The following DGKI variants were observed in gnomAD, a reference collection of about 807,000 sequenced individuals.
DGKI encodes the protein diacylglycerol kinase iota.
In DGKI, 55 loss-of-function variants were observed where a neutral mutation model predicts 147.5. The observed-to-expected ratio is 0.37, with a 90% CI of 0.30 to 0.47. The LOEUF is 0.47. Among genes scored for constraint, DGKI ranks in the 20% least tolerant of loss-of-function variants. DGKI has a pLI of 1.00. For synonymous variants in DGKI, 469 were observed against 477.1 expected, an observed-to-expected ratio of 0.98 and a Z score of 0.22; for missense variants, 1,007 against 1,323.8, an observed-to-expected ratio of 0.76 and a Z score of 3.71.
At chr7:137,414,408 C>T (rs1812282016) in intron 28 of DGKI, among the ~76,000 whole-genome samples, 1 of 151,968 alleles carries the variant, frequency 6.6e-6, no homozygotes. Context: ...CCCTGTGAAC[C>T]CTAGCATAAT....
In DGKI at chr7:137,477,912, T is replaced by C. The variant is rs1295315053; in HGVS notation, c.2373+7462A>G. Among the ~76,000 whole-genome samples the C allele has an allele frequency of 2.0e-5, 3 of 152,280 alleles. No individual in the cohort carries two copies. In the East Asian group the frequency reaches 5.8e-4, roughly 29 times the overall value. The stretch of plus-strand genomic sequence containing the variant: ...CTGGGCTCAAGCGATCTGCCCATGA[T>C]GGCCTCCCAAAGTGCTGAGATCACA... On this transcript the variant is annotated intron_variant, in intron 23 of 32. Coordinates refer to ENST00000614521, the MANE Select transcript of DGKI (RefSeq NM_001321708.2).
intron 1 of DGKI, among the ~76,000 whole-genome samples, chr7:137,751,418 T>C (rs1021089233): frequency 3.9e-5 from 6 of 152,224 alleles, no homozygotes; most frequent in African/African-American, 1.4e-4. Flanking sequence ...TCATAGCACC[T>C]GAAAAGCTAC....
intron 20 of DGKI, among the ~76,000 whole-genome samples, chr7:137,533,029 G>T (rs1013643685): frequency 5.9e-5 from 9 of 152,146 alleles, no homozygotes; most frequent in African/African-American, 2.2e-4. Context: ...TTGGGGCCAG[G>T]TGCAGTGGCA....
At chr7:137,617,789 G>C (rs1820584906) in intron 8 of DGKI, among the ~76,000 whole-genome samples, 1 of 151,884 alleles carries the variant, frequency 6.6e-6, no homozygotes, top group South Asian at 2.1e-4. Flanking sequence ...ATTTTGGAAG[G>C]GTGCAAGTGA....
intron 28 of DGKI, 53 bp from the exon 29 acceptor site, chr7:137,412,260 A>G: frequency 1.3e-6 from 2 of 1,526,254 alleles, no homozygotes; most frequent in Non-Finnish European, 1.8e-6. Context: ...TCTTATTAAA[A>G]TATTACACAA....
chr7:137,755,572 T>C (rs560989700), intron 1 of DGKI, among the ~76,000 whole-genome samples: 20 of 152,308 alleles, frequency 1.3e-4, no homozygotes, highest in Admixed American at 4.6e-4. Flanking sequence ...GGCATTGAAT[T>C]GCCAAATAAA....
chr7:137,567,277 A>G (rs73169840), intron 19 of DGKI, among the ~76,000 whole-genome samples: 58 of 152,046 alleles, frequency 3.8e-4, no homozygotes, highest in Non-Finnish European at 6.5e-4. Context: ...AAAAAAAAAA[A>G]AGAGAATTAG....
intron 1 of DGKI, among the ~76,000 whole-genome samples, chr7:137,804,382 A>C (rs542612542): frequency 6.6e-6 from 1 of 152,358 alleles, no homozygotes; most frequent in African/African-American, 2.4e-5. Context: ...TCTCTGCTTC[A>C]ATAAGATTTA....
chr7:137,722,154 G>A, intron 1 of DGKI: 13 of 1,599,674 alleles, frequency 8.1e-6, no homozygotes, highest in Non-Finnish European at 1.1e-5. Context: ...GAATTGGCAG[G>A]TATTCCCGAT....
intron 1 of DGKI, among the ~76,000 whole-genome samples, chr7:137,844,541 T>C (rs185756506): frequency 2.6e-5 from 4 of 152,322 alleles, no homozygotes; most frequent in Admixed American, 2.6e-4. Context: ...AATTGGAGAC[T>C]GTAAAGCTTT....
chr7:137,757,147 A>G (rs1795712370), intron 1 of DGKI, among the ~76,000 whole-genome samples: 1 of 151,952 alleles, frequency 6.6e-6, no homozygotes, highest in Admixed American at 6.6e-5. Flanking sequence ...TACCAACACT[A>G]TGTTCTGCTC....
chr7:137,383,519 A>G lies in DGKI; in HGVS notation c.*7701T>C, dbSNP rs934891469. 6.6e-6 allele frequency: 1 copy of G among 151,846 alleles called. No individual in the cohort carries two copies. Among genetic ancestry groups the G allele is most frequent in the African/African-American group, 2.4e-5 (1 of 41,374 alleles). 9.4% of individuals were successfully genotyped at this position (151,846 alleles called of 1,614,324 possible). A position where few individuals can be genotyped will look rare whatever the true frequency, so the allele number is the denominator to read the frequency against. On this transcript the variant is annotated 3_prime_UTR_variant, in exon 33 of 33. Coordinates refer to ENST00000614521, the MANE Select transcript of DGKI (RefSeq NM_001321708.2). ...CCAGTCTAAAATTATAGACATTTAA[A>G]CCAAGAAAATCTCACAGAGTTTTTC...
At chr7:137,492,966 A>C (rs1815823408) in intron 21 of DGKI, among the ~76,000 whole-genome samples, 1 of 151,772 alleles carries the variant, frequency 6.6e-6, no homozygotes, top group South Asian at 2.1e-4. Flanking sequence ...GCACCCTCCC[A>C]CCACTGCAGC....
chr7:137,418,685 G>C (rs1812448985), intron 28 of DGKI, among the ~76,000 whole-genome samples: 1 of 152,072 alleles, frequency 6.6e-6, no homozygotes, highest in South Asian at 2.1e-4. Context: ...TTACCACATT[G>C]TTGTCTGCCC....
At chr7:137,696,415 T>TG (rs1351385340) in intron 1 of DGKI, among the ~76,000 whole-genome samples, 2 of 144,452 alleles carry the variant, frequency 1.4e-5, no homozygotes, top group Non-Finnish European at 3.0e-5. Context: ...TGTAAATAAA[T>TG]GCAATGCCCA....
chr7:137,654,635 T>C (rs572312666), intron 5 of DGKI, 97 bp downstream of exon 5: 9 of 913,652 alleles, frequency 9.9e-6, no homozygotes, highest in South Asian at 2.9e-5. Context: ...CAGAAAGAGA[T>C]AGAATTTATT....
chr7:137,541,961 A>G (rs181887400), intron 20 of DGKI, among the ~76,000 whole-genome samples: 2 of 152,206 alleles, frequency 1.3e-5, no homozygotes, highest in African/African-American at 4.8e-5. Flanking sequence ...ATGAAAAGAC[A>G]GGATATATAC....
At chr7:137,738,740 CT>C (rs1318079264) in intron 1 of DGKI, among the ~76,000 whole-genome samples, 1 of 136,534 alleles carries the variant, frequency 7.3e-6, no homozygotes, top group African/African-American at 2.6e-5. Context: ...CCCCCCTTTC[CT>C]TTTCATATCC....
intron 21 of DGKI, among the ~76,000 whole-genome samples, chr7:137,489,166 A>T (rs771529611): frequency 1.3e-5 from 2 of 152,136 alleles, no homozygotes; most frequent in Non-Finnish European, 1.5e-5. Flanking sequence ...CCTGTGAGTG[A>T]GTGTGGATTG....
Sources: allele counts gnomAD v4.1 joint callset (sites outside exome capture counted in the v4.1 genomes callset), GRCh38; gene constraint gnomAD v4.1.1; transcripts MANE v1.5; gene names NCBI Gene and HGNC (gene_info 2026-07-23, HGNC 2026-07-21).